RPRD1B: variants seen among roughly 807,000 people sequenced by gnomAD.
RPRD1B encodes the protein regulation of nuclear pre-mRNA domain containing 1B, also known as regulation of nuclear pre-mRNA domain-containing protein 1B.
In RPRD1B, 11 loss-of-function variants were observed where a neutral mutation model predicts 41.5. That is an observed-to-expected ratio of 0.27 (90% confidence interval 0.17 to 0.44). The LOEUF (loss-of-function observed/expected upper bound fraction) is 0.44, where lower values mean the gene tolerates loss of function less well. RPRD1B is among the 20% of genes least tolerant of loss of function. The pLI, the probability that RPRD1B is intolerant of heterozygous loss-of-function variation, is 1.00. For synonymous variants in RPRD1B, 158 were observed against 155.6 expected, an observed-to-expected ratio of 1.02 and a Z score of -0.12; for missense variants, 248 against 389.9, an observed-to-expected ratio of 0.64 and a Z score of 3.06.
chr20:38,091,293 A>G lies in RPRD1B; in HGVS notation c.*1418A>G. 2 of 985,564 alleles carry G rather than the reference A, an allele frequency of 2.0e-6. No individual in the cohort carries two copies. The highest frequency in any genetic ancestry group is 2.4e-6 in the Non-Finnish European group (2 of 829,748). The allele number at this position is 985,564 out of a possible 1,614,324, so 61.1% of individuals were successfully genotyped here. A position where few individuals can be genotyped will look rare whatever the true frequency, so the allele number is the denominator to read the frequency against. On this transcript the variant is annotated 3_prime_UTR_variant, in exon 7 of 7. Coordinates refer to ENST00000373433, the MANE Select transcript of RPRD1B (RefSeq NM_021215.4). ...GTTGCTACTTCCAGGATCACCAAAA[A>G]TTACATGTAATTTTACATGTTAAAC...
chr20:38,067,890 C>T (rs538414618), intron 6 of RPRD1B, among the ~76,000 whole-genome samples: 11 of 152,314 alleles, frequency 7.2e-5, no homozygotes, highest in South Asian at 6.2e-4. Context: ...TGCCCCTTGG[C>T]GACACATTAA....
chr20:38,057,598 A>T lies in RPRD1B; in HGVS notation c.482A>T (p.Tyr161Phe). Residue 161 changes from tyrosine (Y) to phenylalanine (F), a missense_variant, in exon 4 of 7, where the codon TAC becomes TTC. Physicochemically the swap from Tyr to Phe is conservative, Grantham distance 22. Coordinates refer to ENST00000373433, the MANE Select transcript of RPRD1B (RefSeq NM_021215.4). ...ATTCAGGAGGAGGAGGATGACGACT[A>T]CCCTGGCAGCTACTCTCCTCAGGAT... The part of the protein sequence containing the change: ...QQIQEEEDDD[Y>F]PGSYSPQDPS... 1 of 1,614,160 alleles carries T rather than the reference A, an allele frequency of 6.2e-7. No homozygotes were observed. Among genetic ancestry groups the T allele is most frequent in the Non-Finnish European group, 8.5e-7 (1 of 1,179,998 alleles).
Position 38,075,081 on chromosome 20 carries a change from A to G in RPRD1B, c.831+8825A>G, listed in dbSNP as rs140891412. On this transcript the variant is annotated intron_variant, in intron 6 of 6. Transcript: ENST00000373433. ...TGTCTCTGTCTCTTAGCTTTAGGCT[A>G]ACTTTCAGTGTTTGGATTATTTTCT... Among the ~76,000 whole-genome samples the G allele has an allele frequency of 1.6e-4, 25 of 152,380 alleles. 1 individual carries two copies. The highest frequency in any genetic ancestry group is 2.9e-4 in the Non-Finnish European group (20 of 68,036).
chr20:38,076,092 G>C (rs1447363593), intron 6 of RPRD1B, among the ~76,000 whole-genome samples: 3 of 152,178 alleles, frequency 2.0e-5, no homozygotes, highest in African/African-American at 7.2e-5. Context: ...TTTTACTCAT[G>C]ATGTCCTTTT....
At position 38,081,594 on chromosome 20, in the gene RPRD1B, C is replaced by T. The variant is rs146301121; in HGVS notation, c.832-8132C>T. On this transcript the variant is annotated intron_variant, in intron 6 of 6. Transcript: ENST00000373433. ...CTAGGACTTCCAGTACTGTGTTGAA[C>T]GGGGGTGGCAAGAGTGGGCATCCTT... Among the ~76,000 whole-genome samples the T allele has an allele frequency of 7.2e-5, 11 of 152,162 alleles. No homozygotes were observed. The East Asian group carries it at 7.7e-4, about 11-fold the overall frequency.
At chr20:38,083,978 T>G (rs896104239) in intron 6 of RPRD1B, 2 of 152,074 alleles carry the variant, frequency 1.3e-5, no homozygotes, top group African/African-American at 4.8e-5. Context: ...TGAAGAAAAT[T>G]TTAAAATGGC....
Position 38,066,307 on chromosome 20 carries a change from C to T in RPRD1B, c.831+51C>T, listed in dbSNP as rs184120308. The T allele has an allele frequency of 3.2e-6, 5 of 1,544,758 alleles. No individual in the cohort carries two copies. The East Asian group carries it at 6.8e-5, about 21-fold the overall frequency. On this transcript the variant is annotated intron_variant, in intron 6 of 6. Transcript: ENST00000373433. Reference sequence around the variant, plus strand: ...ACTGCCCACGTTTCCCTTCCTGTAGCCCACATTAGGAGGTTTTTATTATGC... The same window carrying T: ...ACTGCCCACGTTTCCCTTCCTGTAGTCCACATTAGGAGGTTTTTATTATGC...
chr20:38,070,645 G>GT, intron 6 of RPRD1B: 1 of 985,294 alleles, frequency 1.0e-6, no homozygotes, highest in Non-Finnish European at 1.2e-6. Flanking sequence ...CAGTGCATGT[G>GT]GAAGAGTGTG....
intron 6 of RPRD1B, among the ~76,000 whole-genome samples, chr20:38,074,927 T>C (rs760483671): frequency 6.6e-6 from 1 of 152,242 alleles, no homozygotes; most frequent in Non-Finnish European, 1.5e-5. Flanking sequence ...GATAATTTTC[T>C]GTCATGCTTT....
intron 6 of RPRD1B, among the ~76,000 whole-genome samples, chr20:38,077,144 A>G (rs1313521906): frequency 1.3e-5 from 2 of 151,576 alleles, no homozygotes; most frequent in Admixed American, 6.6e-5. Flanking sequence ...TCTTGAACTC[A>G]TGACCTCAGG....
At chr20:38,070,260 C>G (rs1482592501) in intron 6 of RPRD1B, 1 of 985,136 alleles carries the variant, frequency 1.0e-6, no homozygotes, top group East Asian at 1.1e-4. Context: ...GATGTTGGCC[C>G]TTAAACACCA....
chr20:38,062,796 C>G (rs1413666217), intron 5 of RPRD1B, among the ~76,000 whole-genome samples: 1 of 145,176 alleles, frequency 6.9e-6, no homozygotes, highest in Non-Finnish European at 1.5e-5. Context: ...AACACCCCCA[C>G]GACTCCCCCC....
At chr20:38,078,472 C>T (rs1172067106) in intron 6 of RPRD1B, among the ~76,000 whole-genome samples, 1 of 152,200 alleles carries the variant, frequency 6.6e-6, no homozygotes, top group Non-Finnish European at 1.5e-5. Flanking sequence ...ACCCCAACCC[C>T]CCAGCCCCAT....
chr20:38,064,925 G>C (rs1010412708), intron 5 of RPRD1B, among the ~76,000 whole-genome samples: 46 of 151,748 alleles, frequency 3.0e-4, no homozygotes, highest in African/African-American at 1.0e-3. Flanking sequence ...GGCGGAGCTT[G>C]CAGTGAGCCG....
intron 4 of RPRD1B, among the ~76,000 whole-genome samples, chr20:38,058,694 G>T (rs565804793): frequency 3.3e-5 from 5 of 152,144 alleles, no homozygotes; most frequent in Non-Finnish European, 5.9e-5. Flanking sequence ...AGGTTGATCA[G>T]TCAACATATA....
intron 6 of RPRD1B, among the ~76,000 whole-genome samples, chr20:38,086,301 T>C (rs2074560509): frequency 6.6e-6 from 1 of 152,226 alleles, no homozygotes; most frequent in South Asian, 2.1e-4. Flanking sequence ...GAGCTTGCCA[T>C]GAATTCGAGC....
chr20:38,090,106 T>C lies in RPRD1B; in HGVS notation c.*231T>C. 1 of 1,239,010 alleles carries C rather than the reference T, an allele frequency of 8.1e-7. No homozygotes were observed. The allele number at this position is 1,239,010 out of a possible 1,614,324, so 76.8% of individuals were successfully genotyped here. On this transcript the variant is annotated 3_prime_UTR_variant, in exon 7 of 7. Transcript: ENST00000373433. ...ATTCATATTTGCAAAGACTACAGACTTTTTCTCCCACTTCATATTTTCATG... is the reference window on the plus strand; with the variant it reads ...ATTCATATTTGCAAAGACTACAGACCTTTTCTCCCACTTCATATTTTCATG...
At chr20:38,077,976 G>A (rs1483550130) in intron 6 of RPRD1B, among the ~76,000 whole-genome samples, 1 of 152,070 alleles carries the variant, frequency 6.6e-6, no homozygotes, top group Admixed American at 6.6e-5. Context: ...AAGAGTTTGA[G>A]ACCATCCTGA....
intron 5 of RPRD1B, among the ~76,000 whole-genome samples, chr20:38,065,602 G>A (rs2074346806): frequency 1.3e-5 from 2 of 152,132 alleles, no homozygotes; most frequent in African/African-American, 4.8e-5. Flanking sequence ...TTAAAATTGG[G>A]TTTTTAATTG....
Sources: gnomAD v4.1 joint callset for allele counts (sites outside exome capture counted in the v4.1 genomes callset) on GRCh38, gnomAD v4.1.1 for gene constraint, MANE v1.5 for transcripts, NCBI Gene and HGNC (gene_info 2026-07-23, HGNC 2026-07-21) for gene names.